Variants in SHOX observed in about 807,000 individuals in gnomAD.
SHOX encodes SHOX homeobox, also known as short stature homeobox protein.
SHOX carries 12 observed loss-of-function variants against 29.6 expected under a neutral mutation model. The ratio of observed to expected loss-of-function variants is 0.41; its 90% confidence interval spans 0.26 to 0.66. The LOEUF is 0.66. SHOX is among the 30% of genes least tolerant of loss of function. The pLI, the probability that SHOX is intolerant of heterozygous loss-of-function variation, is 0.35. For synonymous variants in SHOX, 214 were observed against 200.6 expected, an observed-to-expected ratio of 1.07 and a Z score of -0.57; for missense variants, 499 against 437.7, an observed-to-expected ratio of 1.14 and a Z score of -1.25.
downstream of SHOX, among the ~76,000 whole-genome samples, chrX:654,362 A>C (rs2124219659): frequency 6.6e-6 from 1 of 152,210 alleles, no homozygotes; most frequent in Admixed American, 6.5e-5. Context: ...AAATTAAAAA[A>C]AAATTCACCA....
chrX:631,980 G>A, intron 1 of SHOX: 1 of 456,096 alleles, frequency 2.2e-6, no homozygotes, highest in South Asian at 1.5e-5. Flanking sequence ...AAGACTCGAG[G>A]CTGCGTGGTA....
chrX:633,701 C>T (rs2052688407), intron 1 of SHOX, among the ~76,000 whole-genome samples: 1 of 152,026 alleles, frequency 6.6e-6, no homozygotes, highest in South Asian at 2.1e-4. Context: ...TAGGGCATCG[C>T]GTGCTTCTCA....
intron 2 of SHOX, 23 bp downstream of exon 2, chrX:634,849 G>A (rs1473202097): frequency 1.9e-6 from 3 of 1,546,696 alleles, no homozygotes; most frequent in Admixed American, 2.0e-5. Flanking sequence ...GGGCGGGGGC[G>A]GGGGGCCCGG....
intron 2 of SHOX, among the ~76,000 whole-genome samples, chrX:638,833 T>G (rs899990759): frequency 2.0e-5 from 3 of 152,218 alleles, no homozygotes; most frequent in Non-Finnish European, 4.4e-5. Flanking sequence ...CCGGAGTGAC[T>G]GGTTCACTCA....
intron 1 of SHOX, among the ~76,000 whole-genome samples, chrX:632,804 T>C (rs1340967422): frequency 1.3e-5 from 2 of 152,140 alleles, no homozygotes; most frequent in African/African-American, 2.4e-5. Flanking sequence ...ACACAGAGAG[T>C]TGGCCTTCCT....
rs888589536 is a variant in SHOX, at chrX:646,099, T to A, written c.*1463T>A. On this transcript the variant is annotated 3_prime_UTR_variant, in exon 5 of 5. Coordinates refer to ENST00000686671, the MANE Select transcript of SHOX (RefSeq NM_000451.4). ...TTATAGTAGAGACGGGGTTTCACCG[T>A]GTTGGCCAGGCTCGTCTCGAACTCC... 2 of 152,136 alleles carry A rather than the reference T, an allele frequency of 1.3e-5. No homozygotes were observed. Among genetic ancestry groups the A allele is most frequent in the African/African-American group, 2.4e-5 (1 of 41,394 alleles). The allele number at this position is 152,136 out of a possible 1,614,324, so 9.4% of individuals were successfully genotyped here.
At chrX:656,410 C>CA (rs1195576273), downstream of SHOX, among the ~76,000 whole-genome samples, 3 of 139,594 alleles carry the variant, frequency 2.1e-5, no homozygotes, top group African/African-American at 8.4e-5. Flanking sequence ...CTTGTTTCTC[C>CA]AAAAAAATCA....
intron 2 of SHOX, among the ~76,000 whole-genome samples, chrX:635,809 T>G (rs1049322874): frequency 6.6e-6 from 1 of 151,452 alleles, no homozygotes; most frequent in Non-Finnish European, 1.5e-5. Flanking sequence ...GAAGGTCAAC[T>G]CCTCTAGTCC....
At chrX:625,727 CCT>C (rs1232355332) in intron 1 of SHOX, among the ~76,000 whole-genome samples, 1 of 126,782 alleles carries the variant, frequency 7.9e-6, no homozygotes, top group Non-Finnish European at 1.7e-5. Flanking sequence ...CTCTCTCTCT[CCT>C]CTCTCTCTGT....
intron 1 of SHOX, among the ~76,000 whole-genome samples, chrX:624,904 C>T (rs758080464): frequency 0.63 from 58,845 of 93,784 alleles, 14,772 homozygotes; most frequent in African/African-American, 0.64. Flanking sequence ...CTTTCTTTCT[C>T]TCTTCCTTTC....
At chrX:632,486 G>A (rs2052668227) in intron 1 of SHOX, among the ~76,000 whole-genome samples, 1 of 152,198 alleles carries the variant, frequency 6.6e-6, no homozygotes, top group African/African-American at 2.4e-5. Flanking sequence ...GGCTTTTGCT[G>A]ATTCGCAGAG....
chrX:634,568 T>C, intron 1 of SHOX, 50 bp from the exon 2 acceptor site: 1 of 1,600,256 alleles, frequency 6.2e-7, no homozygotes, highest in Non-Finnish European at 8.5e-7. Context: ...TTCGCCACGT[T>C]GCGCAAAACC....
At chrX:659,117 G>A (rs1226365450) in exon 6 of SHOX, 1 of 150,088 alleles carries the variant, frequency 6.7e-6, no homozygotes, top group Non-Finnish European at 1.5e-5. Context: ...ACAGAGTCTT[G>A]CTCTGTCACC....
intron 2 of SHOX, among the ~76,000 whole-genome samples, chrX:636,894 T>C (rs2052768900): frequency 6.9e-6 from 1 of 145,712 alleles, no homozygotes; most frequent in African/African-American, 2.5e-5. Flanking sequence ...GCTTAGGAGA[T>C]GAGGATACAG....
At chrX:635,878 G>C (rs1000703798) in intron 2 of SHOX, among the ~76,000 whole-genome samples, 5 of 151,794 alleles carry the variant, frequency 3.3e-5, no homozygotes, top group African/African-American at 1.2e-4. Context: ...GAGAGAGAGA[G>C]AGAGAGACGG....
downstream of SHOX, among the ~76,000 whole-genome samples, chrX:655,328 T>C (rs147304517): frequency 0.052 from 7,845 of 151,374 alleles, 289 homozygotes; most frequent in South Asian, 0.12. Context: ...AGGATGGTCT[T>C]GATCTCTTGA....
chrX:627,981 A>C (rs1436916947), upstream of SHOX, among the ~76,000 whole-genome samples: 1 of 152,026 alleles, frequency 6.6e-6, no homozygotes, highest in African/African-American at 2.4e-5. Flanking sequence ...GAAGCAGAAA[A>C]GTTACCCGGC....
In SHOX at chrX:634,818, C is replaced by A. The variant is rs768025022; in HGVS notation, c.478C>A (p.Arg160Ser). Residue 160 changes from arginine (R) to serine (S), a missense_variant, in exon 2 of 5, where the codon CGC becomes AGC. By Grantham distance (110) the Arg-to-Ser change is moderately radical (BLOSUM62 -1). Coordinates refer to ENST00000686671, the MANE Select transcript of SHOX (RefSeq NM_000451.4). ...LSQRLGLSEARVQVWFQNRRA... is the reference protein window; with the variant it reads ...LSQRLGLSEASVQVWFQNRRA... The stretch of plus-strand genomic sequence containing the variant: ...CCAGCGCCTGGGGCTCTCCGAGGCG[C>A]GCGTGCAGGTAGGAACCCGGGGGCG... 6.4e-7 allele frequency: 1 copy of A among 1,569,294 alleles called. No individual in the cohort carries two copies. Among genetic ancestry groups the A allele is most frequent in the Admixed American group, 1.9e-5 (1 of 52,696 alleles).
At chrX:643,153 A>AG (rs2052891098) in intron 4 of SHOX, among the ~76,000 whole-genome samples, 1 of 52,376 alleles carries the variant, frequency 1.9e-5, no homozygotes, top group Non-Finnish European at 3.8e-5. Context: ...TGGTGTCCTG[A>AG]AAGAGCCTTG....
Sources: gnomAD v4.1 joint callset for allele counts (sites outside exome capture counted in the v4.1 genomes callset) on GRCh38, gnomAD v4.1.1 for gene constraint, MANE v1.5 for transcripts, NCBI Gene and HGNC (gene_info 2026-07-23, HGNC 2026-07-21) for gene names.